ZNF267: variants seen among roughly 807,000 people sequenced by gnomAD.
The protein encoded by ZNF267 is zinc finger (C2H2).
ZNF267 carries 61 observed loss-of-function variants against 71.6 expected under a neutral mutation model. The ratio of observed to expected loss-of-function variants is 0.85; its 90% CI spans 0.69 to 1.05. ZNF267 has a LOEUF of 1.05. ZNF267 is among the 50% of genes least tolerant of loss of function. ZNF267 has a pLI of 0.00. For missense variants in ZNF267, 852 were observed against 870.0 expected, an observed-to-expected ratio of 0.98 and a Z score of 0.26; for synonymous variants, 288 against 293.2, an observed-to-expected ratio of 0.98 and a Z score of 0.18.
chr16:31,910,869 C>A (rs576489611), intron 3 of ZNF267, among the ~76,000 whole-genome samples: 3 of 151,372 alleles, frequency 2.0e-5, no homozygotes, highest in Admixed American at 2.0e-4. Flanking sequence ...TTTGCTGTAT[C>A]CCATAGGTTT....
intron 3 of ZNF267, among the ~76,000 whole-genome samples, chr16:31,908,547 T>C (rs1161077371): frequency 2.0e-5 from 3 of 152,252 alleles, no homozygotes; most frequent in Admixed American, 1.3e-4. Flanking sequence ...TTAAAGTCCT[T>C]AATCCATTCT....
chr16:31,904,637 G>T (rs1282198384), intron 3 of ZNF267, among the ~76,000 whole-genome samples: 5 of 152,034 alleles, frequency 3.3e-5, no homozygotes, highest in Non-Finnish European at 5.9e-5. Context: ...CCATTTGCTT[G>T]GTAGATCTTC....
At chr16:31,883,282 A>G (rs1240036404) in intron 1 of ZNF267, among the ~76,000 whole-genome samples, 1 of 152,188 alleles carries the variant, frequency 6.6e-6, no homozygotes, top group Non-Finnish European at 1.5e-5. Flanking sequence ...ATTGGTCTTT[A>G]TAAAGGCATC....
intron 3 of ZNF267, chr16:31,912,416 G>A (rs943843580): frequency 4.6e-5 from 7 of 151,698 alleles, no homozygotes; most frequent in Admixed American, 1.3e-4. Context: ...GCTGCCAGAC[G>A]TACTGGAGTT....
intron 3 of ZNF267, among the ~76,000 whole-genome samples, chr16:31,894,314 G>C (rs913198087): frequency 1.3e-5 from 2 of 152,216 alleles, no homozygotes; most frequent in Non-Finnish European, 2.9e-5. Context: ...GTGCTCCCTT[G>C]ACTGTTTATG....
At chr16:31,914,311 C>G in intron 3 of ZNF267, 165 bp from the exon 4 acceptor site, 1 of 624,492 alleles carries the variant, frequency 1.6e-6, no homozygotes, top group Non-Finnish European at 2.6e-6. Context: ...TCACGTGCCA[C>G]TTTATTGTAG....
chr16:31,902,466 A>G lies in ZNF267; in HGVS notation c.227-12010A>G, dbSNP rs1429024939. Among the ~76,000 whole-genome samples, 9 of 152,022 alleles carry G rather than the reference A, an allele frequency of 5.9e-5. No individual in the cohort carries two copies. In the East Asian group the frequency reaches 1.5e-3, roughly 26 times the overall value. On this transcript the variant is annotated intron_variant, in intron 3 of 3. Transcript: ENST00000300870. ...CCATTTGTTTGTATACTCTTATTTC[A>G]TTGAGCAGTGGTTTGTAGTTCTCCT...
At chr16:31,896,968 G>A (rs902173606) in intron 3 of ZNF267, among the ~76,000 whole-genome samples, 2 of 151,666 alleles carry the variant, frequency 1.3e-5, no homozygotes, top group African/African-American at 4.8e-5. Context: ...TAGTTTTAAT[G>A]TAGGAATATT....
chr16:31,910,539 G>A (rs569552053), intron 3 of ZNF267, among the ~76,000 whole-genome samples: 3 of 151,702 alleles, frequency 2.0e-5, no homozygotes, highest in Admixed American at 6.5e-5. Context: ...TTGGCATACA[G>A]TTGTTAATAA....
chr16:31,906,864 G>C (rs1413885013), intron 3 of ZNF267, among the ~76,000 whole-genome samples: 1 of 151,978 alleles, frequency 6.6e-6, no homozygotes. Context: ...CGTCTTCTGC[G>C]TGGCTCAGGC....
intron 3 of ZNF267, among the ~76,000 whole-genome samples, chr16:31,892,516 T>G (rs2083967429): frequency 6.6e-6 from 1 of 152,182 alleles, no homozygotes. Flanking sequence ...CAGCATTAAC[T>G]CAAATGTCCA....
intron 3 of ZNF267, among the ~76,000 whole-genome samples, chr16:31,896,787 AT>A (rs201369357): frequency 2.0e-5 from 3 of 151,314 alleles, no homozygotes; most frequent in Non-Finnish European, 3.0e-5. Context: ...TAAATTTAGA[AT>A]TTTTTTTTCT....
At chr16:31,889,267 CTT>C (rs1473140621) in intron 3 of ZNF267, among the ~76,000 whole-genome samples, 1 of 149,836 alleles carries the variant, frequency 6.7e-6, no homozygotes, top group Non-Finnish European at 1.5e-5. Flanking sequence ...CTCTCTCTCT[CTT>C]TGCTCTAATT....
intron 1 of ZNF267, chr16:31,875,191 C>T: frequency 2.3e-6 from 3 of 1,289,164 alleles, no homozygotes; most frequent in Non-Finnish European, 3.0e-6. Flanking sequence ...TTTTCCTGTT[C>T]CTGAATTTCA....
intron 1 of ZNF267, among the ~76,000 whole-genome samples, chr16:31,877,976 A>G (rs1198699690): frequency 5.9e-5 from 9 of 152,198 alleles, no homozygotes; most frequent in Non-Finnish European, 1.5e-5. Flanking sequence ...CCCTCGATTT[A>G]CAGGCAGTAG....
chr16:31,890,094 T>C (rs2083950022), intron 3 of ZNF267: 1 of 152,240 alleles, frequency 6.6e-6, no homozygotes, highest in African/African-American at 2.4e-5. Flanking sequence ...GAAGAATGTG[T>C]ATTCTCATAC....
At chr16:31,887,088 G>A (rs1249690655) in intron 3 of ZNF267, among the ~76,000 whole-genome samples, 1 of 152,122 alleles carries the variant, frequency 6.6e-6, no homozygotes, top group Non-Finnish European at 1.5e-5. Flanking sequence ...CTCTTTGACA[G>A]CAGTTATACT....
At chr16:31,912,641 T>C (rs1167522295) in intron 3 of ZNF267, 1 of 151,682 alleles carries the variant, frequency 6.6e-6, no homozygotes, top group Non-Finnish European at 1.5e-5. Context: ...TCTTTCTCTC[T>C]TTAAGGCTAA....
rs1235493188 is a variant in ZNF267 at position 31,874,082 on chromosome 16, C to CA, written c.3+113_3+114insA. On this transcript the variant is annotated intron_variant, in intron 1 of 3. Transcript: ENST00000300870. ...CCCGCAGTCAGCCTCGGGGTCTGGG[C>CA]CCCGAGTCCCAACTGGTGCAGCTCG... 4 of 1,233,416 alleles carry CA rather than the reference C, an allele frequency of 3.2e-6. No homozygotes were observed. The East Asian group carries it at 9.6e-5, about 30-fold the overall frequency. 76.4% of individuals were successfully genotyped at this position (1,233,416 alleles called of 1,614,324 possible).
Sources: allele counts gnomAD v4.1 joint callset (sites outside exome capture counted in the v4.1 genomes callset), GRCh38; gene constraint gnomAD v4.1.1; transcripts MANE v1.5; gene names NCBI Gene and HGNC (gene_info 2026-07-23, HGNC 2026-07-21).